Variants in BRINP1 observed in about 807,000 individuals in gnomAD.
BRINP1 encodes BMP/retinoic acid-inducible neural-specific protein 1.
BRINP1 carries 17 observed loss-of-function variants against 72.9 expected under a neutral mutation model. The ratio of observed to expected loss-of-function variants is 0.23; its 90% confidence interval spans 0.16 to 0.35. The LOEUF (loss-of-function observed/expected upper bound fraction) is 0.35, where lower values mean the gene tolerates loss of function less well. BRINP1 is among the 10% of genes least tolerant of loss of function. The pLI is 1.00. For missense variants in BRINP1, 850 were observed against 1,001.6 expected (o/e 0.85, Z 2.04); for synonymous variants, 418 against 378.5 (o/e 1.10, Z -1.21).
At chr9:119,306,749 T>C (rs552919325) in intron 2 of BRINP1, among the ~76,000 whole-genome samples, 11 of 152,316 alleles carry the variant, frequency 7.2e-5, no homozygotes, top group Non-Finnish European at 1.3e-4. Flanking sequence ...AGAGCTAGTT[T>C]GCCTTAACCA....
intron 3 of BRINP1, among the ~76,000 whole-genome samples, chr9:119,246,838 T>A (rs1047679218): frequency 6.6e-6 from 1 of 152,168 alleles, no homozygotes; most frequent in East Asian, 1.9e-4. Flanking sequence ...CAACAATAAA[T>A]CTCTTTGCCT....
At chr9:119,169,266 G>A (rs760072390) in intron 7 of BRINP1, among the ~76,000 whole-genome samples, 5 of 152,310 alleles carry the variant, frequency 3.3e-5, no homozygotes, top group Middle Eastern at 3.4e-3. Flanking sequence ...AGGTCATTGG[G>A]TGCACGCACC....
intron 7 of BRINP1, among the ~76,000 whole-genome samples, chr9:119,173,973 A>C (rs1433883182): frequency 1.6e-5 from 2 of 121,418 alleles, no homozygotes; most frequent in African/African-American, 5.5e-5. Flanking sequence ...CTTACACCTT[A>C]TACAAAAATC....
chr9:119,295,561 GTAT>G lies in BRINP1; in HGVS notation c.218+17574_218+17576del, dbSNP rs1318679828. Among the ~76,000 whole-genome samples, 5 of 152,232 alleles carry G rather than the reference GTAT, an allele frequency of 3.3e-5. No individual in the cohort carries two copies. In the South Asian group the frequency reaches 8.3e-4, roughly 25 times the overall value. ...ATAGAAAAGGCACAGTAAAAATATG[GTAT>G]TATAATCATATAGGAACACTGTCAT... is the stretch of plus-strand genomic sequence containing the variant. On this transcript the variant is annotated intron_variant, in intron 2 of 7. Coordinates refer to ENST00000265922, the MANE Select transcript of BRINP1 (RefSeq NM_014618.3).
chr9:119,336,830 A>G (rs1831350364), intron 1 of BRINP1, among the ~76,000 whole-genome samples: 2 of 150,842 alleles, frequency 1.3e-5, no homozygotes, highest in South Asian at 2.1e-4. Flanking sequence ...GAGAGAAGAG[A>G]AAAAAAAAGA....
At chr9:119,208,110 A>T (rs908462454) in intron 7 of BRINP1, among the ~76,000 whole-genome samples, 1 of 152,120 alleles carries the variant, frequency 6.6e-6, no homozygotes, top group African/African-American at 2.4e-5. Flanking sequence ...ATTCTCCACC[A>T]TCTAGCAGAA....
intron 6 of BRINP1, 175 bp downstream of exon 6, chr9:119,213,744 A>AT: frequency 1.5e-6 from 1 of 668,280 alleles, no homozygotes; most frequent in South Asian, 1.7e-5. Context: ...TTCAGTTGAG[A>AT]TTTATTGAGT....
At chr9:119,344,530 C>G (rs1034286674) in intron 1 of BRINP1, among the ~76,000 whole-genome samples, 4 of 152,198 alleles carry the variant, frequency 2.6e-5, no homozygotes, top group Non-Finnish European at 4.4e-5. Context: ...AACAGATCTA[C>G]TTTCTCATTT....
intron 7 of BRINP1, among the ~76,000 whole-genome samples, chr9:119,194,323 T>C (rs1829711323): frequency 6.6e-6 from 1 of 152,204 alleles, no homozygotes; most frequent in Non-Finnish European, 1.5e-5. Context: ...ACTCAGGTTA[T>C]CTCTTTTTCA....
chr9:119,305,015 C>T (rs1043188801), intron 2 of BRINP1, among the ~76,000 whole-genome samples: 6 of 152,218 alleles, frequency 3.9e-5, no homozygotes, highest in African/African-American at 1.2e-4. Context: ...TTAACACAAA[C>T]CCATTGCAAA....
At chr9:119,179,769 C>A (rs1829532233) in intron 7 of BRINP1, among the ~76,000 whole-genome samples, 1 of 152,140 alleles carries the variant, frequency 6.6e-6, no homozygotes, top group Non-Finnish European at 1.5e-5. Flanking sequence ...ACCCAATACT[C>A]CCTCAATGCC....
chr9:119,193,821 T>C (rs1829706419), intron 7 of BRINP1, among the ~76,000 whole-genome samples: 1 of 152,216 alleles, frequency 6.6e-6, no homozygotes, highest in South Asian at 2.1e-4. Flanking sequence ...GTCTATGTAC[T>C]CTCCCCTTGA....
intron 5 of BRINP1, among the ~76,000 whole-genome samples, chr9:119,235,667 C>T (rs563696768): frequency 2.0e-5 from 3 of 152,164 alleles, no homozygotes; most frequent in Admixed American, 1.3e-4. Flanking sequence ...ATCTCATTAC[C>T]AACATGAGTT....
At chr9:119,352,080 G>A (rs1235858719) in intron 1 of BRINP1, among the ~76,000 whole-genome samples, 2 of 152,060 alleles carry the variant, frequency 1.3e-5, no homozygotes, top group Non-Finnish European at 2.9e-5. Flanking sequence ...TTACAGGTGT[G>A]AGCCACCACA....
intron 1 of BRINP1, among the ~76,000 whole-genome samples, chr9:119,320,962 G>A (rs921110557): frequency 2.0e-5 from 3 of 151,566 alleles, no homozygotes; most frequent in African/African-American, 7.3e-5. Flanking sequence ...ACGGAGTCTC[G>A]CTCTGTCGCC....
At chr9:119,257,846 T>C (rs1431567300) in intron 2 of BRINP1, among the ~76,000 whole-genome samples, 1 of 152,062 alleles carries the variant, frequency 6.6e-6, no homozygotes, top group African/African-American at 2.4e-5. Context: ...TGATGCATCT[T>C]AACGAGAGGG....
chr9:119,200,170 T>C (rs564436500), intron 7 of BRINP1, among the ~76,000 whole-genome samples: 2 of 152,202 alleles, frequency 1.3e-5, no homozygotes, highest in African/African-American at 4.8e-5. Flanking sequence ...GCAAATAATC[T>C]ATGTGTGCAT....
At chr9:119,301,397 T>C (rs1379170575) in intron 2 of BRINP1, among the ~76,000 whole-genome samples, 2 of 152,206 alleles carry the variant, frequency 1.3e-5, no homozygotes, top group Admixed American at 6.5e-5. Flanking sequence ...AAATACTGAG[T>C]CTTCTGTCTT....
At chr9:119,235,783 T>A (rs182111811) in intron 5 of BRINP1, among the ~76,000 whole-genome samples, 15 of 152,344 alleles carry the variant, frequency 9.8e-5, no homozygotes, top group Non-Finnish European at 1.9e-4. Flanking sequence ...TTATAATTCA[T>A]CATTTTCATA....
Sources: allele counts gnomAD v4.1 joint callset (sites outside exome capture counted in the v4.1 genomes callset), GRCh38; gene constraint gnomAD v4.1.1; transcripts MANE v1.5; gene names NCBI Gene and HGNC (gene_info 2026-07-23, HGNC 2026-07-21).